The following OPCML variants were observed in gnomAD, a reference collection of about 807,000 sequenced individuals.
The protein encoded by OPCML is opioid-binding protein/cell adhesion molecule.
Under a neutral mutation model 37.8 loss-of-function variants are expected in OPCML, and 13 were observed. The observed-to-expected ratio is 0.34, with a 90% CI of 0.22 to 0.55. The LOEUF (loss-of-function observed/expected upper bound fraction) is 0.55. OPCML is among the 20% of genes least tolerant of loss of function. The pLI is 0.91. For synonymous variants in OPCML, 176 were observed against 168.8 expected (o/e 1.04, Z -0.33); for missense variants, 341 against 435.6 (o/e 0.78, Z 1.93).
chr11:133,091,323 C>A (rs929458952), intron 1 of OPCML, among the ~76,000 whole-genome samples: 5 of 152,238 alleles, frequency 3.3e-5, no homozygotes, highest in African/African-American at 1.2e-4. Flanking sequence ...CCAGGGCCAT[C>A]ACAGAGCATC....
chr11:132,780,402 A>G (rs1946966529), intron 2 of OPCML, among the ~76,000 whole-genome samples: 2 of 152,316 alleles, frequency 1.3e-5, no homozygotes, highest in East Asian at 1.9e-4. Context: ...ACCTTAGCAT[A>G]TTAATAGTGG....
At chr11:132,482,159 T>G (rs543671900) in intron 4 of OPCML, among the ~76,000 whole-genome samples, 11 of 149,050 alleles carry the variant, frequency 7.4e-5, no homozygotes, top group Admixed American at 2.7e-4. Context: ...TCAACAAAAT[T>G]GATAGACTGC....
In OPCML at chr11:132,825,003, C is replaced by G. The variant is rs1021561630; in HGVS notation, c.146+117923G>C. Among the ~76,000 whole-genome samples, 29 of 152,194 alleles carry G rather than the reference C, an allele frequency of 1.9e-4. 1 individual carries two copies. Among genetic ancestry groups the G allele is most frequent in the African/African-American group, 6.5e-4 (27 of 41,460 alleles). On this transcript the variant is annotated intron_variant, in intron 2 of 7. Coordinates refer to ENST00000524381, the MANE Select transcript of OPCML (RefSeq NM_001012393.5). ...AGAGAGGGCTTCTCTGATACACAAG[C>G]AAAAGGGGCACTTCATGCTACCTGC...
intron 1 of OPCML, among the ~76,000 whole-genome samples, chr11:133,271,112 T>C (rs533074315): frequency 3.3e-5 from 5 of 152,364 alleles, no homozygotes; most frequent in South Asian, 4.1e-4. Context: ...ATTTACTTGA[T>C]GTGTGACTTC....
chr11:133,467,011 C>CA (rs1218898295), intron 1 of OPCML, among the ~76,000 whole-genome samples: 5 of 152,040 alleles, frequency 3.3e-5, no homozygotes, highest in African/African-American at 1.2e-4. Context: ...TTTTCTTCCC[C>CA]AAAAAAGTTC....
chr11:133,463,423 A>G (rs1320388166), intron 1 of OPCML, among the ~76,000 whole-genome samples: 1 of 152,178 alleles, frequency 6.6e-6, no homozygotes, highest in Admixed American at 6.5e-5. Context: ...CTTTACCACA[A>G]TTAAAAATGG....
At chr11:133,257,934 A>C (rs1219454463) in intron 1 of OPCML, among the ~76,000 whole-genome samples, 1 of 151,926 alleles carries the variant, frequency 6.6e-6, no homozygotes, top group African/African-American at 2.4e-5. Flanking sequence ...AGTCAAGACC[A>C]TTAAATCTAT....
chr11:133,443,500 G>A (rs1408455416), intron 1 of OPCML, among the ~76,000 whole-genome samples: 1 of 152,170 alleles, frequency 6.6e-6, no homozygotes, highest in Non-Finnish European at 1.5e-5. Flanking sequence ...TCTCTTCCTT[G>A]TTGAAACATG....
intron 1 of OPCML, among the ~76,000 whole-genome samples, chr11:133,326,350 G>A (rs1411654709): frequency 8.4e-6 from 1 of 119,244 alleles, no homozygotes; most frequent in African/African-American, 3.3e-5. Context: ...GTATGTGTGT[G>A]TGGGGGTGGG....
rs555512568 is a variant in OPCML, at chr11:132,804,905, TC to T, written c.146+138020del. 1.9e-3 allele frequency among the ~76,000 whole-genome samples: 295 copies of T among 152,288 alleles called. 3 individuals carry two copies. The highest frequency in any genetic ancestry group is 6.7e-3 in the African/African-American group (280 of 41,558). ...CCTAAAAAGAAAGAGAAAACTGTGA[TC>T]TAGCCTTAAGAATAAAATCCACCAA... On this transcript the variant is annotated intron_variant, in intron 2 of 7. Coordinates refer to ENST00000524381, the MANE Select transcript of OPCML (RefSeq NM_001012393.5).
chr11:133,083,402 C>T (rs1490969389), intron 1 of OPCML, among the ~76,000 whole-genome samples: 1 of 152,118 alleles, frequency 6.6e-6, no homozygotes, highest in Non-Finnish European at 1.5e-5. Flanking sequence ...TGTCTCGGGT[C>T]GCTGGCTGCG....
chr11:133,216,211 A>G (rs11223401), intron 1 of OPCML, among the ~76,000 whole-genome samples: 19,895 of 152,152 alleles, frequency 0.13, 1,447 homozygotes, highest in African/African-American at 0.17. Flanking sequence ...CCTCTGGGGC[A>G]ACTTTCTTAG....
chr11:133,317,697 C>T (rs1943238596), intron 1 of OPCML, among the ~76,000 whole-genome samples: 1 of 152,204 alleles, frequency 6.6e-6, no homozygotes, highest in African/African-American at 2.4e-5. Context: ...GACCTCGCTC[C>T]ACCATGTAAA....
At chr11:132,609,930 C>A (rs895447412) in intron 3 of OPCML, among the ~76,000 whole-genome samples, 1 of 152,168 alleles carries the variant, frequency 6.6e-6, no homozygotes, top group African/African-American at 2.4e-5. Flanking sequence ...AAATATCAAT[C>A]GCAGAAGTTA....
intron 3 of OPCML, among the ~76,000 whole-genome samples, chr11:132,603,558 T>C (rs1191654917): frequency 6.6e-6 from 1 of 152,228 alleles, no homozygotes; most frequent in Non-Finnish European, 1.5e-5. Flanking sequence ...GTTTCCCTGT[T>C]CTCCAATTCA....
intron 2 of OPCML, among the ~76,000 whole-genome samples, chr11:132,670,806 A>C (rs1205475616): frequency 2.6e-5 from 4 of 152,194 alleles, no homozygotes; most frequent in African/African-American, 9.7e-5. Flanking sequence ...TTATATTTAC[A>C]TAATTACTTA....
chr11:133,472,176 CACA>C (rs1947131303), intron 1 of OPCML, among the ~76,000 whole-genome samples: 2 of 152,238 alleles, frequency 1.3e-5, no homozygotes, highest in African/African-American at 2.4e-5. Flanking sequence ...CTTTTCTGCA[CACA>C]ACATTTCACC....
In OPCML at chr11:132,419,991, A is replaced by C. The variant is rs551686147; in HGVS notation, c.*202T>G. 45 of 526,390 alleles carry C rather than the reference A, an allele frequency of 8.5e-5. 1 individual carries two copies. Among genetic ancestry groups the C allele is most frequent in the African/African-American group, 6.9e-4 (36 of 52,080 alleles). The allele number at this position is 526,390 out of a possible 1,614,324, so 32.6% of individuals were successfully genotyped here. A position where few individuals can be genotyped will look rare whatever the true frequency, so the allele number is the denominator to read the frequency against. On this transcript the variant is annotated 3_prime_UTR_variant, in exon 8 of 8. Coordinates refer to ENST00000524381, the MANE Select transcript of OPCML (RefSeq NM_001012393.5). ...GAATGATTATCCTACACGTGGTAGA[A>C]CCCTGCCCACCCCGCCCCCAACCCC...
intron 2 of OPCML, among the ~76,000 whole-genome samples, chr11:132,756,604 C>T (rs1946056897): frequency 6.6e-6 from 1 of 152,056 alleles, no homozygotes; most frequent in Non-Finnish European, 1.5e-5. Flanking sequence ...TGTTTGGTAG[C>T]ATGAGAAATA....
Sources: allele counts gnomAD v4.1 joint callset (sites outside exome capture counted in the v4.1 genomes callset), GRCh38; gene constraint gnomAD v4.1.1; transcripts MANE v1.5; gene names NCBI Gene and HGNC (gene_info 2026-07-23, HGNC 2026-07-21).